Variants in ACSS3 observed in about 807,000 individuals in gnomAD.
ACSS3 encodes the protein acyl-CoA synthetase short chain family member 3.
ACSS3 carries 64 observed loss-of-function variants against 84.2 expected under a neutral mutation model. That is an observed-to-expected ratio of 0.76 (90% CI 0.62 to 0.94). The LOEUF (loss-of-function observed/expected upper bound fraction) is 0.94. Ranked by LOEUF, ACSS3 falls within the 40% of genes least tolerant of loss-of-function variation. The probability of loss-of-function intolerance (pLI) is 0.00; values close to 1 mark genes in which losing one functional copy is unlikely to be tolerated. For missense variants in ACSS3, 815 were observed against 867.6 expected, an observed-to-expected ratio of 0.94 and a Z score of 0.76; for synonymous variants, 317 against 310.1, an observed-to-expected ratio of 1.02 and a Z score of -0.23.
Position 81,109,629 on chromosome 12 carries a change from T to A in ACSS3, c.381T>A (p.Asp127Glu). Residue 127 changes from aspartate (D) to glutamate (E), a missense_variant, in exon 2 of 16, where the codon GAT becomes GAA. By Grantham distance (45) the Asp-to-Glu change is conservative (BLOSUM62 2). Coordinates refer to ENST00000548058, the MANE Select transcript of ACSS3 (RefSeq NM_024560.4). ...GTCATATTGAAAATGGTAAAGGGGA[T>A]AAGATTGCTATCATCTATGACAGTC... ...VDRHIENGKGDKIAIIYDSPV... is the reference protein window; with the variant it reads ...VDRHIENGKGEKIAIIYDSPV... The A allele has an allele frequency of 1.2e-6, 2 of 1,612,984 alleles. No homozygotes were observed. Among genetic ancestry groups the A allele is most frequent in the Non-Finnish European group, 1.7e-6 (2 of 1,179,422 alleles).
At chr12:81,109,492 A>G in intron 1 of ACSS3, 68 bp from the exon 2 acceptor site, 2 of 1,526,354 alleles carry the variant, frequency 1.3e-6, no homozygotes, top group Non-Finnish European at 1.8e-6. Flanking sequence ...TAGAAATATA[A>G]TAACTTCATT....
intron 5 of ACSS3, among the ~76,000 whole-genome samples, chr12:81,145,840 G>A (rs1886314140): frequency 6.6e-6 from 1 of 152,202 alleles, no homozygotes; most frequent in Non-Finnish European, 1.5e-5. Context: ...ATATGGGGTT[G>A]GAGATAGACC....
intron 1 of ACSS3, chr12:81,094,562 A>T (rs188115235): frequency 6.6e-6 from 1 of 152,282 alleles, no homozygotes; most frequent in Admixed American, 6.5e-5. Flanking sequence ...CAAATGATTG[A>T]TTGTATTCCC....
chr12:81,220,991 T>C (rs2033086060), intron 11 of ACSS3, among the ~76,000 whole-genome samples: 1 of 152,094 alleles, frequency 6.6e-6, no homozygotes, highest in African/African-American at 2.4e-5. Context: ...AACAGTATCA[T>C]CTTATAAAGT....
intron 13 of ACSS3, among the ~76,000 whole-genome samples, chr12:81,235,598 T>C (rs1409984382): frequency 1.3e-5 from 2 of 151,506 alleles, no homozygotes; most frequent in East Asian, 1.9e-4. Context: ...TCAAACTTAC[T>C]GAGTTCAATC....
In ACSS3 at chr12:81,108,247, CTAT is replaced by C. The variant is rs71098120; in HGVS notation, c.312-1298_312-1296del. Among the ~76,000 whole-genome samples the C allele has an allele frequency of 1.6e-4, 23 of 140,978 alleles. No individual in the cohort carries two copies. In the East Asian group the frequency reaches 3.0e-3, roughly 19 times the overall value. The allele number at this position is 140,978 out of a possible 152,430, so 92.5% of individuals were successfully genotyped here. On this transcript the variant is annotated intron_variant, in intron 1 of 15. Transcript: ENST00000548058. ...TTCTTCCTCCTGTTGCTTTCTGTGG[CTAT>C]TATTATTATTATTAATTATTATTAT...
At chr12:81,221,031 GT>G (rs1261823456) in intron 11 of ACSS3, among the ~76,000 whole-genome samples, 1 of 151,942 alleles carries the variant, frequency 6.6e-6, no homozygotes, top group African/African-American at 2.4e-5. Context: ...CCATCTTCTT[GT>G]TAACATTTTT....
intron 7 of ACSS3, among the ~76,000 whole-genome samples, chr12:81,155,839 T>C (rs1441014176): frequency 2.0e-5 from 3 of 152,166 alleles, no homozygotes; most frequent in Admixed American, 6.6e-5. Context: ...TCTCTTAATA[T>C]TGATAAAACA....
chr12:81,159,142 T>C (rs1593141985), intron 7 of ACSS3, among the ~76,000 whole-genome samples: 1 of 152,240 alleles, frequency 6.6e-6, no homozygotes. Context: ...AGTCAGGTTA[T>C]ATGTTTTATA....
chr12:81,178,327 G>C (rs967007665), intron 8 of ACSS3, among the ~76,000 whole-genome samples: 1 of 144,158 alleles, frequency 6.9e-6, no homozygotes, highest in Non-Finnish European at 1.5e-5. Flanking sequence ...GATGGGGGGA[G>C]GGGGCAGGGA....
chr12:81,242,169 A>C (rs1342592582), intron 13 of ACSS3, among the ~76,000 whole-genome samples: 6 of 152,122 alleles, frequency 3.9e-5, no homozygotes. Flanking sequence ...AAAATGATAA[A>C]GGGGATATCA....
chr12:81,229,889 AG>A (rs34919780), intron 11 of ACSS3, among the ~76,000 whole-genome samples: 48,905 of 151,742 alleles, frequency 0.32, 9,686 homozygotes, highest in Non-Finnish European at 0.45. Flanking sequence ...CTGCCCAAAG[AG>A]GCATCGGCAG....
chr12:81,259,748 A>G lies in ACSS3; in HGVS notation c.*4826A>G, dbSNP rs917459609. ...ACTCCTCTGTGGTGTACCTCCACGC[A>G]GCCTGCTTACTCCTGTCCTAGAAGA... On this transcript the variant is annotated 3_prime_UTR_variant, in exon 16 of 16. Coordinates refer to ENST00000548058, the MANE Select transcript of ACSS3 (RefSeq NM_024560.4). 3.3e-5 allele frequency: 39 copies of G among 1,169,972 alleles called. No homozygotes were observed. In the East Asian group the frequency reaches 8.0e-4, roughly 24 times the overall value. The allele number at this position is 1,169,972 out of a possible 1,614,324, so 72.5% of individuals were successfully genotyped here. A position where few individuals can be genotyped will look rare whatever the true frequency, so the allele number is the denominator to read the frequency against.
At chr12:81,231,796 A>G (rs2033474467) in intron 12 of ACSS3, among the ~76,000 whole-genome samples, 1 of 151,726 alleles carries the variant, frequency 6.6e-6, no homozygotes. Flanking sequence ...TATGTTTATA[A>G]CAGCACTTCA....
At chr12:81,125,501 C>T (rs1295996719) in intron 2 of ACSS3, 1 of 151,994 alleles carries the variant, frequency 6.6e-6, no homozygotes, top group African/African-American at 2.4e-5. Flanking sequence ...TTCTATATAC[C>T]ATTCTGCCCT....
intron 13 of ACSS3, among the ~76,000 whole-genome samples, chr12:81,234,521 T>A (rs1167501798): frequency 6.6e-6 from 1 of 151,440 alleles, no homozygotes; most frequent in African/African-American, 2.4e-5. Context: ...ACCAGCAGTA[T>A]TTAAGGGTTC....
At chr12:81,183,790 A>G (rs2031088257) in intron 8 of ACSS3, among the ~76,000 whole-genome samples, 1 of 152,110 alleles carries the variant, frequency 6.6e-6, no homozygotes, top group Non-Finnish European at 1.5e-5. Flanking sequence ...TGAGCTAAAT[A>G]TATAAAGCAA....
At chr12:81,089,253 C>T (rs543538232) in intron 1 of ACSS3, among the ~76,000 whole-genome samples, 13 of 151,956 alleles carry the variant, frequency 8.6e-5, no homozygotes, top group African/African-American at 3.1e-4. Context: ...GTTTTATTTA[C>T]TTTTAAATAC....
rs2034311110 is a variant in ACSS3 at position 81,256,668 on chromosome 12, T to A, written c.*1746T>A. Reference sequence around the variant, plus strand: ...ATAGATAATAGAAAGTTTATTGTTATAAAAATGACCTACAACTTATATAAA... The same window carrying A: ...ATAGATAATAGAAAGTTTATTGTTAAAAAAATGACCTACAACTTATATAAA... On this transcript the variant is annotated 3_prime_UTR_variant, in exon 16 of 16. Coordinates refer to ENST00000548058, the MANE Select transcript of ACSS3 (RefSeq NM_024560.4). 1 of 152,174 alleles carries A rather than the reference T, an allele frequency of 6.6e-6. No homozygotes were observed. Among genetic ancestry groups the A allele is most frequent in the Non-Finnish European group, 1.5e-5 (1 of 68,020 alleles). The allele number at this position is 152,174 out of a possible 1,614,324, so 9.4% of individuals were successfully genotyped here.
Sources: gnomAD v4.1 joint callset for allele counts (sites outside exome capture counted in the v4.1 genomes callset) on GRCh38, gnomAD v4.1.1 for gene constraint, MANE v1.5 for transcripts, NCBI Gene and HGNC (gene_info 2026-07-23, HGNC 2026-07-21) for gene names.